Variants in INPP4B observed in about 807,000 individuals in gnomAD.
INPP4B encodes inositol polyphosphate 4-phosphatase type II.
Under a neutral mutation model 122.5 loss-of-function variants are expected in INPP4B, and 55 were observed. The observed-to-expected ratio is 0.45, with a 90% CI of 0.36 to 0.56. INPP4B has a LOEUF of 0.56. Among genes scored for constraint, INPP4B ranks in the 20% least tolerant of loss-of-function variants. The pLI, the probability that INPP4B is intolerant of heterozygous loss-of-function variation, is 0.00. For synonymous variants in INPP4B, 403 were observed against 388.7 expected (o/e 1.04, Z -0.43); for missense variants, 1,000 against 1,097.7 (o/e 0.91, Z 1.26).
intron 2 of INPP4B, among the ~76,000 whole-genome samples, chr4:142,503,862 ATAT>A (rs1184562434): frequency 6.6e-6 from 1 of 152,142 alleles, no homozygotes; most frequent in African/African-American, 2.4e-5. Flanking sequence ...GAGAAAGAAC[ATAT>A]TATTAAATAA....
At chr4:142,266,558 C>A (rs1190369901) in intron 10 of INPP4B, among the ~76,000 whole-genome samples, 1 of 152,104 alleles carries the variant, frequency 6.6e-6, no homozygotes, top group East Asian at 1.9e-4. Flanking sequence ...ATCAAACATG[C>A]TCCAAGATAA....
At chr4:142,447,752 C>T (rs143306029) in intron 3 of INPP4B, among the ~76,000 whole-genome samples, 12 of 152,190 alleles carry the variant, frequency 7.9e-5, no homozygotes, top group African/African-American at 2.4e-4. Flanking sequence ...CATTTGTAAT[C>T]GTAAATGAGA....
At chr4:142,404,785 C>G (rs1354245962) in intron 6 of INPP4B, among the ~76,000 whole-genome samples, 2 of 152,032 alleles carry the variant, frequency 1.3e-5, no homozygotes, top group Non-Finnish European at 2.9e-5. Context: ...TAAAATTTCT[C>G]TGGGTACTGT....
chr4:142,177,015 C>T (rs1033521634), intron 15 of INPP4B, among the ~76,000 whole-genome samples: 1 of 152,094 alleles, frequency 6.6e-6, no homozygotes, highest in Non-Finnish European at 1.5e-5. Context: ...CATCTTTTCC[C>T]TCCCAATATA....
chr4:142,487,034 G>A (rs187695591), intron 2 of INPP4B, among the ~76,000 whole-genome samples: 131 of 152,222 alleles, frequency 8.6e-4, no homozygotes, highest in African/African-American at 2.6e-3. Flanking sequence ...GGAGGGACCC[G>A]GTGAAAGAAG....
intron 2 of INPP4B, among the ~76,000 whole-genome samples, chr4:142,608,127 G>A (rs1251005530): frequency 3.9e-5 from 6 of 152,046 alleles, no homozygotes; most frequent in Non-Finnish European, 8.8e-5. Flanking sequence ...AATCATCAAG[G>A]GCCTATTGTC....
At chr4:142,791,539 A>G (rs1776559167) in intron 1 of INPP4B, among the ~76,000 whole-genome samples, 1 of 152,140 alleles carries the variant, frequency 6.6e-6, no homozygotes, top group Non-Finnish European at 1.5e-5. Context: ...GTGTTCACTC[A>G]GCATGAAGGC....
chr4:142,212,074 T>C lies in INPP4B; in HGVS notation c.837-3048A>G, dbSNP rs1027621943. Among the ~76,000 whole-genome samples, 7 of 152,226 alleles carry C rather than the reference T, an allele frequency of 4.6e-5. No homozygotes were observed. The South Asian group carries it at 1.5e-3, about 32-fold the overall frequency. On this transcript the variant is annotated intron_variant, in intron 12 of 25. Coordinates refer to ENST00000262992, the MANE Select transcript of INPP4B (RefSeq NM_001101669.3). ...ATCCTTAGGATTAGGATTTAGCCAA[T>C]GTAGAAAAGCACACAAACTGGGCCC...
At chr4:142,135,661 A>T (rs994825204) in intron 18 of INPP4B, among the ~76,000 whole-genome samples, 2 of 152,214 alleles carry the variant, frequency 1.3e-5, no homozygotes, top group African/African-American at 4.8e-5. Flanking sequence ...GTGACAACGT[A>T]AATGACAGAA....
intron 2 of INPP4B, among the ~76,000 whole-genome samples, chr4:142,620,974 A>G (rs1744784148): frequency 6.6e-6 from 1 of 151,964 alleles, no homozygotes; most frequent in Non-Finnish European, 1.5e-5. Context: ...ATAAATCAAA[A>G]AAGTAAATTA....
chr4:142,799,974 T>C (rs1413757711), intron 1 of INPP4B, among the ~76,000 whole-genome samples: 1 of 152,074 alleles, frequency 6.6e-6, no homozygotes, highest in Non-Finnish European at 1.5e-5. Flanking sequence ...TGGATTATTT[T>C]CACAGCTTAA....
chr4:142,490,169 C>T (rs1821703252), intron 2 of INPP4B, among the ~76,000 whole-genome samples: 1 of 152,014 alleles, frequency 6.6e-6, no homozygotes, highest in African/African-American at 2.4e-5. Context: ...ACTGCAGTCT[C>T]AACCTCCCAG....
At chr4:142,345,197 G>T (rs1444291819) in intron 7 of INPP4B, among the ~76,000 whole-genome samples, 1 of 151,894 alleles carries the variant, frequency 6.6e-6, no homozygotes, top group African/African-American at 2.4e-5. Flanking sequence ...ATGCATTACA[G>T]GGCATGATAT....
intron 21 of INPP4B, among the ~76,000 whole-genome samples, chr4:142,119,862 CTATA>C (rs1254003732): frequency 2.7e-5 from 4 of 147,770 alleles, no homozygotes; most frequent in African/African-American, 5.0e-5. Flanking sequence ...TATATGAGTT[CTATA>C]TATATATACA....
chr4:142,418,164 T>A (rs1251909941), intron 5 of INPP4B, among the ~76,000 whole-genome samples: 1 of 152,154 alleles, frequency 6.6e-6, no homozygotes, highest in African/African-American at 2.4e-5. Flanking sequence ...GCCAAAAGAC[T>A]CTATTTCTCT....
intron 2 of INPP4B, among the ~76,000 whole-genome samples, chr4:142,497,453 A>G (rs569134981): frequency 5.3e-5 from 8 of 152,294 alleles, no homozygotes; most frequent in African/African-American, 1.9e-4. Flanking sequence ...AAAACCTCAA[A>G]TTTATACAGA....
At chr4:142,365,830 T>C (rs1469462802) in intron 7 of INPP4B, among the ~76,000 whole-genome samples, 1 of 152,108 alleles carries the variant, frequency 6.6e-6, no homozygotes, top group Non-Finnish European at 1.5e-5. Context: ...CCTCACTTAC[T>C]CAGGGTAACT....
At chr4:142,826,458 C>T (rs28453834) in intron 1 of INPP4B, among the ~76,000 whole-genome samples, 19,462 of 151,918 alleles carry the variant, frequency 0.13, 2,003 homozygotes, top group African/African-American at 0.29. Flanking sequence ...ATCCTGTCCC[C>T]TTTTCCATTC....
At chr4:142,400,493 T>A (rs902673368) in intron 7 of INPP4B, among the ~76,000 whole-genome samples, 1 of 152,106 alleles carries the variant, frequency 6.6e-6, no homozygotes, top group African/African-American at 2.4e-5. Context: ...CCTTCCTCCA[T>A]CATTCACTTT....
Sources: gnomAD v4.1 joint callset for allele counts (sites outside exome capture counted in the v4.1 genomes callset) on GRCh38, gnomAD v4.1.1 for gene constraint, MANE v1.5 for transcripts, NCBI Gene and HGNC (gene_info 2026-07-23, HGNC 2026-07-21) for gene names.